The following CRYM variants were observed in gnomAD, a reference collection of about 807,000 sequenced individuals.
CRYM encodes the protein ketimine reductase mu-crystallin.
CRYM carries 18 observed loss-of-function variants against 32.9 expected under a neutral mutation model. The observed-to-expected ratio is 0.55, with a 90% confidence interval of 0.38 to 0.81. The LOEUF is 0.81. Ranked by LOEUF, CRYM falls within the 30% of genes least tolerant of loss-of-function variation. The pLI, the probability that CRYM is intolerant of heterozygous loss-of-function variation, is 0.00. For synonymous variants in CRYM, 153 were observed against 152.4 expected, an observed-to-expected ratio of 1.00 and a Z score of -0.03; for missense variants, 337 against 393.5, an observed-to-expected ratio of 0.86 and a Z score of 1.21.
At chr16:21,269,140 T>C (rs2093369793) in intron 4 of CRYM, among the ~76,000 whole-genome samples, 1 of 121,376 alleles carries the variant, frequency 8.2e-6, no homozygotes, top group Non-Finnish European at 1.6e-5. Context: ...CGAGACTCCA[T>C]TTCAAAAAAA....
chr16:21,299,589 C>T (rs925792610), intron 1 of CRYM, among the ~76,000 whole-genome samples: 8 of 152,224 alleles, frequency 5.3e-5, no homozygotes, highest in Admixed American at 1.3e-4. Flanking sequence ...GGATTACAGG[C>T]GTGAGCCACT....
At chr16:21,288,488 C>T (rs1235378322) in intron 1 of CRYM, among the ~76,000 whole-genome samples, 1 of 136,276 alleles carries the variant, frequency 7.3e-6, no homozygotes, top group Non-Finnish European at 1.5e-5. Context: ...TCTTAGTTTC[C>T]TGATTTTAAT....
intron 1 of CRYM, among the ~76,000 whole-genome samples, chr16:21,290,078 T>C (rs997057222): frequency 1.3e-5 from 2 of 150,842 alleles, no homozygotes; most frequent in African/African-American, 2.5e-5. Context: ...TTCTGTAAAA[T>C]GGACCAATCA....
chr16:21,266,036 C>CA (rs1388377004), intron 5 of CRYM, among the ~76,000 whole-genome samples: 1 of 152,082 alleles, frequency 6.6e-6, no homozygotes, highest in African/African-American at 2.4e-5. Context: ...CCAGCCTGGA[C>CA]AATGTGGTGA....
chr16:21,264,221 T>C (rs143458739), intron 5 of CRYM, among the ~76,000 whole-genome samples: 8 of 144,308 alleles, frequency 5.5e-5, no homozygotes, highest in African/African-American at 1.4e-4. Flanking sequence ...GAGAGTTCTA[T>C]AGAACAAAAG....
rs757696626 is a variant in CRYM, at chr16:21,267,658, G to A, written c.569C>T (p.Ser190Leu). ...TVQGEVRVCS[S>L]VQEAVAGADV... The stretch of plus-strand genomic sequence containing the variant: ...TGCACCTGCCACAGCCTCCTGGACC[G>A]AAGAACAGACCCGTACCTCTCCTTG... The change falls in exon 5 of 8, where the codon TCG becomes TTG. Residue 190 changes from serine to leucine, a missense_variant. By Grantham distance (145) the Ser-to-Leu change is moderately radical. Coordinates refer to ENST00000572914, the MANE Select transcript of CRYM (RefSeq NM_001376256.1). 41 of 1,614,070 alleles carry A rather than the reference G, an allele frequency of 2.5e-5. No homozygotes were observed. Among genetic ancestry groups the A allele is most frequent in the African/African-American group, 1.6e-4 (12 of 74,930 alleles).
intron 5 of CRYM, among the ~76,000 whole-genome samples, chr16:21,265,388 A>C (rs1168795018): frequency 2.0e-5 from 3 of 152,194 alleles, no homozygotes; most frequent in Non-Finnish European, 4.4e-5. Context: ...GTCACAGCTC[A>C]AAAAACACAT....
intron 1 of CRYM, among the ~76,000 whole-genome samples, chr16:21,295,078 T>G (rs747499035): frequency 3.9e-5 from 6 of 152,176 alleles, no homozygotes; most frequent in Admixed American, 6.5e-5. Flanking sequence ...CTGATGGACA[T>G]TTGGGTTGGT....
At chr16:21,294,034 C>G (rs367606909) in intron 1 of CRYM, among the ~76,000 whole-genome samples, 1 of 152,162 alleles carries the variant, frequency 6.6e-6, no homozygotes, top group African/African-American at 2.4e-5. Flanking sequence ...AGGTAGAATA[C>G]GCATAACTTC....
intron 1 of CRYM, among the ~76,000 whole-genome samples, chr16:21,298,314 C>A (rs1960829585): frequency 2.0e-5 from 3 of 152,222 alleles, no homozygotes. Flanking sequence ...ATACTTGCAT[C>A]CACTTCTCCC....
chr16:21,279,557 T>C (rs991379919), upstream of CRYM, among the ~76,000 whole-genome samples: 7 of 152,188 alleles, frequency 4.6e-5, no homozygotes, highest in African/African-American at 1.4e-4. Context: ...AGAACGATTC[T>C]TGGAGTCAGG....
At chr16:21,291,497 C>T (rs1371854781) in intron 1 of CRYM, among the ~76,000 whole-genome samples, 6 of 152,090 alleles carry the variant, frequency 3.9e-5, no homozygotes, top group South Asian at 2.1e-4. Flanking sequence ...AATGTAAAAA[C>T]TTGCTCAACA....
intron 3 of CRYM, among the ~76,000 whole-genome samples, chr16:21,273,173 A>G (rs888349779): frequency 1.3e-5 from 2 of 152,190 alleles, no homozygotes; most frequent in African/African-American, 4.8e-5. Context: ...CAGAGGCTTC[A>G]ATGAAGCTTA....
At chr16:21,283,051 C>T (rs1004551072), upstream of CRYM, among the ~76,000 whole-genome samples, 1 of 152,048 alleles carries the variant, frequency 6.6e-6, no homozygotes, top group Non-Finnish European at 1.5e-5. Flanking sequence ...CCGCCCTTCC[C>T]TGAGACCTTG....
At chr16:21,278,604 T>C, upstream of CRYM, 1 of 348,546 alleles carries the variant, frequency 2.9e-6, no homozygotes, top group Non-Finnish European at 5.4e-6. Flanking sequence ...ATTAACTCGC[T>C]TTTTGCTGCT....
At chr16:21,288,326 GT>G (rs2093410756) in intron 1 of CRYM, among the ~76,000 whole-genome samples, 1 of 152,142 alleles carries the variant, frequency 6.6e-6, no homozygotes, top group African/African-American at 2.4e-5. Context: ...TCTTGAGTTA[GT>G]TTTGTAGTTT....
At chr16:21,267,778 TG>T (rs772255526) in intron 4 of CRYM, 41 bp from the exon 5 acceptor site, 1 of 1,609,158 alleles carries the variant, frequency 6.2e-7, no homozygotes, top group South Asian at 1.1e-5. Flanking sequence ...CGCCATTTTT[TG>T]GCTGCTTATG....
intron 5 of CRYM, among the ~76,000 whole-genome samples, chr16:21,266,016 G>A (rs1292660858): frequency 6.6e-6 from 1 of 152,170 alleles, no homozygotes; most frequent in Non-Finnish European, 1.5e-5. Context: ...TTGAGGTCAG[G>A]AGTTCGAGAC....
Position 21,277,418 on chromosome 16 carries a change from G to A in CRYM, c.324+13C>T, listed in dbSNP as rs762713472. The A allele has an allele frequency of 6.2e-7, 1 of 1,612,332 alleles. No homozygotes were observed. The highest frequency in any genetic ancestry group is 2.2e-5 in the East Asian group (1 of 44,886). On this transcript the variant is annotated intron_variant, in intron 2 of 7. Transcript: ENST00000572914. The surrounding 1 kb of genome is among the most constrained non-coding windows in gnomAD (Gnocchi z 4.2). ...AGGGGCCCCATTCCACCCCGGGACAGGAAGTTGCTCACCGCCAGCAGGGTG... is the reference window on the plus strand; with the variant it reads ...AGGGGCCCCATTCCACCCCGGGACAAGAAGTTGCTCACCGCCAGCAGGGTG...
Sources: allele counts gnomAD v4.1 joint callset (sites outside exome capture counted in the v4.1 genomes callset), GRCh38; gene constraint gnomAD v4.1.1; non-coding constraint Gnocchi (gnomAD v3.1); transcripts MANE v1.5; gene names NCBI Gene and HGNC (gene_info 2026-07-23, HGNC 2026-07-21).